SRP54: variants seen among roughly 807,000 people sequenced by gnomAD.
The protein encoded by SRP54 is signal recognition particle subunit SRP54.
A neutral mutation model predicts 64.8 loss-of-function variants in SRP54; 10 were observed. That is an observed-to-expected ratio of 0.15 (90% CI 0.10 to 0.26). The LOEUF (loss-of-function observed/expected upper bound fraction) is 0.26, where lower values mean the gene tolerates loss of function less well. Among genes scored for constraint, SRP54 ranks in the 10% least tolerant of loss-of-function variants. The pLI is 1.00. For synonymous variants in SRP54, 193 were observed against 185.6 expected, an observed-to-expected ratio of 1.04 and a Z score of -0.32; for missense variants, 325 against 613.7, an observed-to-expected ratio of 0.53 and a Z score of 4.97.
At chr14:35,004,177 G>C (rs1342270108) in intron 4 of SRP54, among the ~76,000 whole-genome samples, 1 of 152,138 alleles carries the variant, frequency 6.6e-6, no homozygotes, top group Admixed American at 6.5e-5. Flanking sequence ...TTGAACCTGG[G>C]AGGCAGAGGT....
chr14:35,008,805 C>T lies in SRP54; in HGVS notation c.459C>T (p.Thr153=), dbSNP rs1417172216. The change falls in exon 7 of 16, where the codon ACC becomes ACT. Residue 153 remains threonine, a synonymous_variant. Coordinates refer to ENST00000216774, the MANE Select transcript of SRP54 (RefSeq NM_003136.4). ...TTGACCAACTAAAACAGAATGCTAC[C>T]AAAGCAAGAATTCCATTTTATGGAA... ...GAFDQLKQNA[T]KARIPFYGSY... 11 of 1,609,534 alleles carry T rather than the reference C, an allele frequency of 6.8e-6. No individual in the cohort carries two copies. Among genetic ancestry groups the T allele is most frequent in the African/African-American group, 1.3e-5 (1 of 74,606 alleles).
chr14:35,012,248 G>A (rs998250434), intron 8 of SRP54, among the ~76,000 whole-genome samples: 8 of 150,516 alleles, frequency 5.3e-5, no homozygotes, highest in Admixed American at 5.3e-4. Flanking sequence ...TTAGTAATTA[G>A]CCTTTAGTTT....
Position 35,007,326 on chromosome 14 carries a change from A to T in SRP54, c.299A>T (p.Lys100Ile). ...GVKAWTPTKGKQNVIMFVGLQ... is the reference protein window; with the variant it reads ...GVKAWTPTKGIQNVIMFVGLQ... ...AAGGCATGGACACCCACTAAAGGAA[A>T]ACAAAATGTGATTATGTTTGTTGGA... is the stretch of plus-strand genomic sequence containing the variant. The change falls in exon 5 of 16, where the codon AAA becomes ATA. Residue 100 changes from lysine (K) to isoleucine (I), a missense_variant. Lys to Ile is a moderately radical substitution (Grantham distance 102, BLOSUM62 -3). Transcript: ENST00000216774. 6.3e-7 allele frequency: 1 copy of T among 1,595,076 alleles called. No individual in the cohort carries two copies. The highest frequency in any genetic ancestry group is 8.6e-7 in the Non-Finnish European group (1 of 1,167,106).
At chr14:35,002,247 C>CGGAGGGTGAG (rs1404712497) in intron 4 of SRP54, among the ~76,000 whole-genome samples, 1 of 151,200 alleles carries the variant, frequency 6.6e-6, no homozygotes, top group Non-Finnish European at 1.5e-5. Context: ...CCAGCTACTC[C>CGGAGGGTGAG]GGAGGGTGAG....
Position 35,023,093 on chromosome 14 carries a change from AG to A in SRP54, c.1327+14del, listed in dbSNP as rs202204501. ...GGACTTTTCAAAGGTAAGAAAAATAAGCTTGTTATTAGTTAACAGACGGAAA... is the reference window on the plus strand; with the variant it reads ...GGACTTTTCAAAGGTAAGAAAAATAACTTGTTATTAGTTAACAGACGGAAA... On this transcript the variant is annotated intron_variant, in intron 14 of 15. Transcript: ENST00000216774. The A allele has an allele frequency of 0.18, 292,602 of 1,581,832 alleles. 29,001 individuals carry two copies. Among genetic ancestry groups the A allele is most frequent in the East Asian group, 0.34 (14,786 of 44,014 alleles).
At chr14:35,027,249 C>T (rs1037390021) in intron 14 of SRP54, among the ~76,000 whole-genome samples, 5 of 151,634 alleles carry the variant, frequency 3.3e-5, no homozygotes, top group Non-Finnish European at 7.4e-5. Context: ...AGGCTGGTCT[C>T]GAACTCCTGA....
In SRP54 at chr14:35,011,541, C is replaced by T; in HGVS notation, c.518C>T (p.Ser173Phe). 6.4e-7 allele frequency: 1 copy of T among 1,569,128 alleles called. No individual in the cohort carries two copies. The highest frequency in any genetic ancestry group is 8.7e-7 in the Non-Finnish European group (1 of 1,152,764). Residue 173 changes from serine to phenylalanine, a missense_variant, in exon 8 of 16, where the codon TCT becomes TTT. Transcript: ENST00000216774. ...GAAATGGATCCTGTCATCATTGCTT[C>T]TGAAGGAGTAGAGAAATTTAAAAAT... Reference protein sequence around the residue: ...YTEMDPVIIASEGVEKFKNEN... With the variant: ...YTEMDPVIIAFEGVEKFKNEN...
At chr14:34,993,134 A>G (rs2044008394) in intron 1 of SRP54, 1 of 152,240 alleles carries the variant, frequency 6.6e-6, no homozygotes, top group Non-Finnish European at 1.5e-5. Flanking sequence ...TGCTGGGATT[A>G]TAGGCGTAAA....
chr14:34,983,246 A>C (rs906891411), intron 1 of SRP54, 31 bp downstream of exon 1: 1 of 152,248 alleles, frequency 6.6e-6, no homozygotes, highest in Non-Finnish European at 1.5e-5. Flanking sequence ...GCCCCAGACT[A>C]CGGAGGGGGA....
rs1231185215 is a variant in SRP54 at position 35,022,917 on chromosome 14, C to T, written c.1164C>T (p.Asp388=). ...IMDSMNDQEL[D]STDGAKVFSK... is the part of the protein sequence containing the mutation. The stretch of plus-strand genomic sequence containing the variant: ...AACTGACCTTGTCTACAGAACTAGA[C>T]AGTACGGATGGTGCCAAAGTTTTTA... The change falls in exon 14 of 16, where the codon GAC becomes GAT. Residue 388 remains aspartate, a synonymous_variant. Transcript: ENST00000216774. 6.2e-7 allele frequency: 1 copy of T among 1,612,084 alleles called. No homozygotes were observed. The highest frequency in any genetic ancestry group is 8.5e-7 in the Non-Finnish European group (1 of 1,179,150).
rs535977855 is a variant in SRP54 at position 35,026,290 on chromosome 14, T to A, written c.1328-1798T>A. On this transcript the variant is annotated intron_variant, in intron 14 of 15. Transcript: ENST00000216774. Reference sequence around the variant, plus strand: ...GGCTGGGGGCTGAAGTGCAATGGCATGATCATGGCTCACTGCAGCCTTGAC... The same window carrying A: ...GGCTGGGGGCTGAAGTGCAATGGCAAGATCATGGCTCACTGCAGCCTTGAC... 5.9e-5 allele frequency among the ~76,000 whole-genome samples: 9 copies of A among 152,080 alleles called. No individual in the cohort carries two copies. In the East Asian group the frequency reaches 1.7e-3, roughly 30 times the overall value.
chr14:35,024,096 C>T (rs1298399057), intron 14 of SRP54, among the ~76,000 whole-genome samples: 7 of 152,084 alleles, frequency 4.6e-5, no homozygotes, highest in Admixed American at 2.0e-4. Flanking sequence ...GGCACAATCT[C>T]GGCTCACTGC....
At chr14:35,010,593 C>T (rs2139002631) in intron 7 of SRP54, among the ~76,000 whole-genome samples, 1 of 151,992 alleles carries the variant, frequency 6.6e-6, no homozygotes, top group East Asian at 1.9e-4. Flanking sequence ...GGTGAAACCC[C>T]GTCTTTACTG....
At chr14:34,985,883 A>G (rs1414956228) in intron 1 of SRP54, among the ~76,000 whole-genome samples, 4 of 152,202 alleles carry the variant, frequency 2.6e-5, no homozygotes, top group Admixed American at 2.0e-4. Flanking sequence ...TCTAAATGTC[A>G]TTGAAATAAC....
intron 1 of SRP54, among the ~76,000 whole-genome samples, chr14:34,984,790 C>T (rs1043196491): frequency 2.6e-5 from 4 of 152,170 alleles, no homozygotes; most frequent in African/African-American, 9.7e-5. Context: ...GTGTGAGCCA[C>T]CATGCCCTGC....
intron 14 of SRP54, among the ~76,000 whole-genome samples, chr14:35,027,189 A>T (rs1202825938): frequency 6.6e-6 from 1 of 151,676 alleles, no homozygotes; most frequent in Admixed American, 6.6e-5. Flanking sequence ...ACCATGTCTG[A>T]CTAATTTATT....
At chr14:35,004,533 T>C (rs549507399) in intron 4 of SRP54, 64 of 152,316 alleles carry the variant, frequency 4.2e-4, no homozygotes, top group African/African-American at 1.5e-3. Flanking sequence ...TAAAAGTTTA[T>C]ATGGTTTCAG....
rs774998207 is a variant in SRP54 at position 35,029,044 on chromosome 14, C to T, written c.1424-17C>T. ...TAATTCTCTGTTTTTAACTCTACTT[C>T]CCTACTTTTGCTCTAGGTGGTATGG... is the stretch of plus-strand genomic sequence containing the variant. On this transcript the variant is annotated splice_polypyrimidine_tract_variant and intron_variant, in intron 15 of 15. Transcript: ENST00000216774. 6.2e-7 allele frequency: 1 copy of T among 1,601,910 alleles called. No homozygotes were observed. Among genetic ancestry groups the T allele is most frequent in the East Asian group, 2.2e-5 (1 of 44,698 alleles).
chr14:35,011,649 C>T lies in SRP54; in HGVS notation c.626C>T (p.Ala209Val). 6.4e-7 allele frequency: 1 copy of T among 1,567,914 alleles called. No individual in the cohort carries two copies. Among genetic ancestry groups the T allele is most frequent in the Admixed American group, 1.7e-5 (1 of 57,482 alleles). ...TTGTTTGAAGAAATGCTTCAAGTTG[C>T]TAATGCTATAGTAAGTAGCTTTCAA... ...DSLFEEMLQV[A>V]NAIQPDNIVY... Residue 209 changes from alanine (A) to valine (V), a missense_variant, in exon 8 of 16, where the codon GCT (alanine) becomes GTT (valine). Physicochemically the swap from Ala to Val is moderately conservative, Grantham distance 64. Coordinates refer to ENST00000216774, the MANE Select transcript of SRP54 (RefSeq NM_003136.4).
Sources: gnomAD v4.1 joint callset for allele counts (sites outside exome capture counted in the v4.1 genomes callset) on GRCh38, gnomAD v4.1.1 for gene constraint, MANE v1.5 for transcripts, NCBI Gene and HGNC (gene_info 2026-07-23, HGNC 2026-07-21) for gene names.